Variants in METTL6 observed in about 807,000 individuals in gnomAD.
METTL6 encodes methyltransferase 6, tRNA N3-cytidine.
METTL6 carries 22 observed loss-of-function variants against 26.4 expected under a neutral mutation model. That is an observed-to-expected ratio of 0.83 (90% CI 0.59 to 1.19). The LOEUF (loss-of-function observed/expected upper bound fraction) is 1.19. METTL6 is among the 50% of genes most tolerant of loss of function. The pLI is 0.00. For missense variants in METTL6, 304 were observed against 324.8 expected (o/e 0.94, Z 0.49); for synonymous variants, 109 against 116.2 (o/e 0.94, Z 0.40).
At chr3:15,414,711 T>TA (rs1239623695) in intron 4 of METTL6, 2 of 353,874 alleles carry the variant, frequency 5.7e-6, no homozygotes. Context: ...GTCACAGGAT[T>TA]AAAATGTTAG....
chr3:15,414,604 C>T (rs1283031585), intron 4 of METTL6: 1 of 276,212 alleles, frequency 3.6e-6, no homozygotes, highest in African/African-American at 2.3e-5. Flanking sequence ...ATTTGCCCAC[C>T]TCAGTCTCCC....
At chr3:15,417,611 C>A (rs1223515996) in intron 3 of METTL6, among the ~76,000 whole-genome samples, 1 of 151,776 alleles carries the variant, frequency 6.6e-6, no homozygotes, top group East Asian at 1.9e-4. Flanking sequence ...AAAACAGAGT[C>A]CCAAAACAGA....
At position 15,426,726 on chromosome 3, in the gene METTL6, A is replaced by C; in HGVS notation, c.-124-91T>G. The C allele has an allele frequency of 6.9e-6, 4 of 577,726 alleles. No homozygotes were observed. The South Asian group carries it at 9.0e-5, about 13-fold the overall frequency. 35.8% of individuals were successfully genotyped at this position (577,726 alleles called of 1,614,324 possible). A position where few individuals can be genotyped will look rare whatever the true frequency, so the allele number is the denominator to read the frequency against. On this transcript the variant is annotated intron_variant, in intron 1 of 5. Transcript: ENST00000383790. ...CAAATGTTTATGAGATGCAGACTGT[A>C]CAAAAAAAAATCCTTCCCGCTATAT...
downstream of METTL6, among the ~76,000 whole-genome samples, chr3:15,406,503 T>G (rs1699787705): frequency 6.7e-6 from 1 of 149,822 alleles, no homozygotes; most frequent in Admixed American, 6.7e-5. Flanking sequence ...AAGTACATTT[T>G]ACAATCAACA....
chr3:15,385,694 C>CA (rs1184711249), intron 6 of METTL6, among the ~76,000 whole-genome samples: 2 of 152,064 alleles, frequency 1.3e-5, no homozygotes, highest in Middle Eastern at 3.4e-3. Flanking sequence ...ACCCTGTCTC[C>CA]AAAAAAACAA....
At chr3:15,383,661 ACAT>A (rs1420372731) in exon 7 of METTL6, 8 of 152,242 alleles carry the variant, frequency 5.3e-5, no homozygotes, top group African/African-American at 1.7e-4. Flanking sequence ...TACTATCAAA[ACAT>A]CATATTTATC....
chr3:15,426,575 C>G lies in METTL6; in HGVS notation c.-64G>C. The G allele has an allele frequency of 7.0e-7, 1 of 1,421,608 alleles. No individual in the cohort carries two copies. The highest frequency in any genetic ancestry group is 9.8e-7 in the Non-Finnish European group (1 of 1,021,266). The allele number at this position is 1,421,608 out of a possible 1,614,324, so 88.1% of individuals were successfully genotyped here. A position where few individuals can be genotyped will look rare whatever the true frequency, so the allele number is the denominator to read the frequency against. On this transcript the variant is annotated 5_prime_UTR_variant, in exon 2 of 6. Transcript: ENST00000383790. Reference sequence around the variant, plus strand: ...TCTCCATCACCAAATAATATGAATCCACGCTAATGGATCAGATACATTTCC... The same window carrying G: ...TCTCCATCACCAAATAATATGAATCGACGCTAATGGATCAGATACATTTCC...
intron 3 of METTL6, among the ~76,000 whole-genome samples, chr3:15,422,460 C>CA (rs1360025893): frequency 6.6e-6 from 1 of 151,864 alleles, no homozygotes; most frequent in Non-Finnish European, 1.5e-5. Context: ...CCTGTCTCTA[C>CA]AAAAAAATAC....
intron 3 of METTL6, among the ~76,000 whole-genome samples, chr3:15,420,443 T>C (rs1380586449): frequency 6.6e-6 from 1 of 152,230 alleles, no homozygotes; most frequent in East Asian, 1.9e-4. Context: ...TATCCTTTTG[T>C]TAAAATTCAC....
Position 15,411,309 on chromosome 3 carries a change from T to G in METTL6, c.802A>C (p.Lys268Gln), listed in dbSNP as rs763354623. The G allele has an allele frequency of 1.9e-6, 3 of 1,614,228 alleles. No homozygotes were observed. The highest frequency in any genetic ancestry group is 1.7e-6 in the Non-Finnish European group (2 of 1,180,030). ...PRVFLQSKFL[K>Q]PPKNPSPVVL... ...ACAGGAGATGGGTTCTTAGGAGGCT[T>G]TAGAAATTTGCTCTGAAGGAAAACT... Residue 268 changes from lysine to glutamine, a missense_variant, in exon 6 of 6, where the codon AAG becomes CAG. By Grantham distance (53) the Lys-to-Gln change is moderately conservative. Coordinates refer to ENST00000383790, the MANE Select transcript of METTL6 (RefSeq NM_152396.4).
intron 6 of METTL6, among the ~76,000 whole-genome samples, chr3:15,388,606 T>C (rs538137158): frequency 1.3e-5 from 2 of 152,174 alleles, no homozygotes; most frequent in Non-Finnish European, 2.9e-5. Context: ...ATCCATCAAG[T>C]GCAGGGTCTG....
rs770836565 is a variant in METTL6, at chr3:15,415,816, C to T, written c.487G>A (p.Val163Ile). 20 of 1,614,108 alleles carry T rather than the reference C, an allele frequency of 1.2e-5. No homozygotes were observed. The highest frequency in any genetic ancestry group is 1.7e-5 in the Non-Finnish European group (20 of 1,180,004). Residue 163 changes from valine to isoleucine, a missense_variant, in exon 4 of 6, where the codon GTT becomes ATT. Val to Ile is a conservative substitution (Grantham distance 29). Coordinates refer to ENST00000383790, the MANE Select transcript of METTL6 (RefSeq NM_152396.4). Reference protein sequence around the residue: ...VVMLIFVLSAVHPDKMHLVLQ... With the variant: ...VVMLIFVLSAIHPDKMHLVLQ... ...ACAAGGTGCATCTTATCAGGATGAACAGCTGACAGCACAAATATCAACATA... is the reference window on the plus strand; with the variant it reads ...ACAAGGTGCATCTTATCAGGATGAATAGCTGACAGCACAAATATCAACATA...
At position 15,414,187 on chromosome 3, in the gene METTL6, A is replaced by G. The variant is rs771247875; in HGVS notation, c.532-25T>C. 7 of 1,590,024 alleles carry G rather than the reference A, an allele frequency of 4.4e-6. No individual in the cohort carries two copies. In the African/African-American group the frequency reaches 6.8e-5, roughly 15 times the overall value. On this transcript the variant is annotated intron_variant, in intron 4 of 5. Transcript: ENST00000383790. Reference sequence around the variant, plus strand: ...CCTATGAAACAAAAGCAGGCTGAACATGACTTTGGAGAACCCTGTCAAAAT... The same window carrying G: ...CCTATGAAACAAAAGCAGGCTGAACGTGACTTTGGAGAACCCTGTCAAAAT...
Position 15,426,569 on chromosome 3 carries a change from T to C in METTL6, c.-58A>G, listed in dbSNP as rs1473755685. The C allele has an allele frequency of 2.7e-6, 4 of 1,490,994 alleles. No individual in the cohort carries two copies. Among genetic ancestry groups the C allele is most frequent in the Non-Finnish European group, 3.7e-6 (4 of 1,080,982 alleles). 92.4% of individuals were successfully genotyped at this position (1,490,994 alleles called of 1,614,324 possible). ...GAAGATTCTCCATCACCAAATAATA[T>C]GAATCCACGCTAATGGATCAGATAC... is the stretch of plus-strand genomic sequence containing the variant. On this transcript the variant is annotated 5_prime_UTR_variant, in exon 2 of 6. Coordinates refer to ENST00000383790, the MANE Select transcript of METTL6 (RefSeq NM_152396.4).
At chr3:15,423,624 G>T (rs1032635731) in intron 3 of METTL6, among the ~76,000 whole-genome samples, 2 of 152,170 alleles carry the variant, frequency 1.3e-5, no homozygotes, top group African/African-American at 4.8e-5. Flanking sequence ...TGTAATCTCA[G>T]CACTTTGGGA....
downstream of METTL6, among the ~76,000 whole-genome samples, chr3:15,406,011 G>GTA (rs1267124834): frequency 8.0e-3 from 1,206 of 151,000 alleles, 23 homozygotes; most frequent in African/African-American, 0.027. Context: ...GTGTGTATGT[G>GTA]TATATATATA....
At chr3:15,422,120 G>T (rs1032445088) in intron 3 of METTL6, among the ~76,000 whole-genome samples, 1 of 151,754 alleles carries the variant, frequency 6.6e-6, no homozygotes, top group East Asian at 1.9e-4. Flanking sequence ...GAGCCCAGGA[G>T]TTTGAGAACA....
At chr3:15,394,073 T>C (rs1260180196) in intron 6 of METTL6, among the ~76,000 whole-genome samples, 1 of 152,248 alleles carries the variant, frequency 6.6e-6, no homozygotes, top group African/African-American at 2.4e-5. Flanking sequence ...GAAGGAATGG[T>C]ACCAGCTCCT....
intron 6 of METTL6, among the ~76,000 whole-genome samples, chr3:15,403,659 A>T (rs1411476394): frequency 1.3e-5 from 2 of 152,160 alleles, no homozygotes; most frequent in African/African-American, 4.8e-5. Context: ...GCACATGCGC[A>T]TGTTACTGGG....
Sources: gnomAD v4.1 joint callset for allele counts (sites outside exome capture counted in the v4.1 genomes callset) on GRCh38, gnomAD v4.1.1 for gene constraint, MANE v1.5 for transcripts, NCBI Gene and HGNC (gene_info 2026-07-23, HGNC 2026-07-21) for gene names.